The following TBCK variants were observed in gnomAD, a reference collection of about 807,000 sequenced individuals.
TBCK encodes the protein TBC domain-containing protein kinase-like protein.
TBCK carries 99 observed loss-of-function variants against 113.4 expected under a neutral mutation model. The ratio of observed to expected loss-of-function variants is 0.87; its 90% CI spans 0.74 to 1.03. The LOEUF (loss-of-function observed/expected upper bound fraction) is 1.03. Among genes scored for constraint, TBCK ranks in the 50% least tolerant of loss-of-function variants. The pLI, the probability that TBCK is intolerant of heterozygous loss-of-function variation, is 0.00. For missense variants in TBCK, 1,045 were observed against 1,061.3 expected (o/e 0.98, Z 0.21); for synonymous variants, 369 against 370.8 (o/e 1.00, Z 0.05).
chr4:106,193,528 T>A (rs1357292989), intron 22 of TBCK, 81 bp downstream of exon 22: 2 of 1,504,958 alleles, frequency 1.3e-6, no homozygotes, highest in East Asian at 4.5e-5. Context: ...CCTGGATGGT[T>A]ATTTTTGCCA....
intron 25 of TBCK, among the ~76,000 whole-genome samples, chr4:106,093,504 T>TCAAA (rs924575730): frequency 4.6e-5 from 7 of 152,294 alleles, no homozygotes; most frequent in South Asian, 2.1e-4. Context: ...GAGACTCGTC[T>TCAAA]CAAACAAACA....
chr4:106,152,467 G>A (rs1377788582), intron 23 of TBCK, among the ~76,000 whole-genome samples: 1 of 152,100 alleles, frequency 6.6e-6, no homozygotes, highest in South Asian at 2.1e-4. Context: ...TTTTCAATGT[G>A]TTGTTAAATT....
chr4:106,105,028 A>G (rs1741979890), intron 24 of TBCK, among the ~76,000 whole-genome samples: 1 of 152,028 alleles, frequency 6.6e-6, no homozygotes, highest in Admixed American at 6.6e-5. Context: ...GAACTCAGCA[A>G]CTCCCTGCCC....
chr4:106,283,454 A>G (rs1312379615), intron 3 of TBCK, among the ~76,000 whole-genome samples: 2 of 152,168 alleles, frequency 1.3e-5, no homozygotes, highest in Non-Finnish European at 2.9e-5. Flanking sequence ...GAAGAAGAGT[A>G]CGAAGGGAAA....
At chr4:106,088,558 A>G (rs904594573) in intron 25 of TBCK, among the ~76,000 whole-genome samples, 2 of 152,206 alleles carry the variant, frequency 1.3e-5, no homozygotes, top group African/African-American at 4.8e-5. Flanking sequence ...AGGATCTAGA[A>G]CCAGAAAAAC....
chr4:106,079,510 T>C (rs1270224922), intron 25 of TBCK, among the ~76,000 whole-genome samples: 12 of 152,168 alleles, frequency 7.9e-5, no homozygotes, highest in Admixed American at 7.9e-4. Flanking sequence ...CATTTCTATA[T>C]ATCATTAGCA....
rs557016175 is a variant in TBCK at position 106,193,619 on chromosome 4, G to A, written c.2049C>T (p.Ser683=). ...TATTTAGATCTATACCTGGTAAATC[G>A]GAGAAGAGAAGAATACACTCATTAA... ...NGFNECILLF[S]DLPEIDIERC... is the part of the protein sequence containing the mutation. Residue 683 remains serine, a synonymous_variant, in exon 22 of 26, where the codon TCC becomes TCT. Coordinates refer to ENST00000394708, the MANE Select transcript of TBCK (RefSeq NM_001163435.3). 2.5e-5 allele frequency: 40 copies of A among 1,613,074 alleles called. No individual in the cohort carries two copies. The highest frequency in any genetic ancestry group is 8.3e-5 in the Admixed American group (5 of 59,912).
chr4:106,197,349 T>C (rs1446457299), intron 20 of TBCK, among the ~76,000 whole-genome samples: 1 of 148,608 alleles, frequency 6.7e-6, no homozygotes, highest in Non-Finnish European at 1.5e-5. Context: ...AGAGTGTGTG[T>C]GTGTGTGTGT....
At chr4:106,097,445 T>C (rs2149522593) in intron 24 of TBCK, among the ~76,000 whole-genome samples, 1 of 152,290 alleles carries the variant, frequency 6.6e-6, no homozygotes, top group South Asian at 2.1e-4. Context: ...GTAGACATGG[T>C]GGTCAAACCT....
intron 1 of TBCK, among the ~76,000 whole-genome samples, chr4:106,311,910 T>C (rs1260193412): frequency 6.6e-6 from 1 of 152,126 alleles, no homozygotes; most frequent in East Asian, 1.9e-4. Flanking sequence ...TACTGATACA[T>C]CCACAAAAAT....
intron 22 of TBCK, among the ~76,000 whole-genome samples, chr4:106,180,435 T>C (rs1752218226): frequency 6.6e-6 from 1 of 152,032 alleles, no homozygotes; most frequent in South Asian, 2.1e-4. Context: ...GTGCAGAATG[T>C]GCAGTTTTGT....
At chr4:106,060,038 G>C (rs937306403) in intron 25 of TBCK, among the ~76,000 whole-genome samples, 1 of 151,738 alleles carries the variant, frequency 6.6e-6, no homozygotes, top group African/African-American at 2.4e-5. Context: ...TGAGAGATGA[G>C]GAAGCTGGAG....
chr4:106,116,329 C>T lies in TBCK; in HGVS notation c.2285G>A (p.Arg762Gln), dbSNP rs892052198. The change falls in exon 24 of 26, where the codon CGG (arginine) becomes CAG (glutamine). Residue 762 changes from arginine to glutamine, a missense_variant. Coordinates refer to ENST00000394708, the MANE Select transcript of TBCK (RefSeq NM_001163435.3). ...LNDLKSEVSP[R>Q]ISAEDLIDLC... ...GTCAATCAGGTCCTCTGCTGAAATC[C>T]GTGGTGATACTTCTGACTTCAGGTC... The T allele has an allele frequency of 9.3e-6, 15 of 1,613,242 alleles. No homozygotes were observed. Among genetic ancestry groups the T allele is most frequent in the East Asian group, 2.2e-5 (1 of 44,880 alleles).
At chr4:106,204,837 C>G (rs1755279393) in intron 20 of TBCK, among the ~76,000 whole-genome samples, 1 of 144,280 alleles carries the variant, frequency 6.9e-6, no homozygotes, top group East Asian at 2.1e-4. Context: ...GCAATCTCGG[C>G]TCACTGCAAG....
chr4:106,212,917 C>T, intron 19 of TBCK, 82 bp from the exon 20 acceptor site: 1 of 880,462 alleles, frequency 1.1e-6, no homozygotes, highest in Non-Finnish European at 1.8e-6. Flanking sequence ...TTTATTTATA[C>T]ATTGAATGAG....
chr4:106,133,439 T>A (rs1746196273), intron 23 of TBCK, among the ~76,000 whole-genome samples: 1 of 152,192 alleles, frequency 6.6e-6, no homozygotes, highest in Non-Finnish European at 1.5e-5. Flanking sequence ...TGGGTATATC[T>A]TTATTAGTAG....
At chr4:106,121,432 T>G (rs1291985185) in intron 23 of TBCK, among the ~76,000 whole-genome samples, 3 of 144,288 alleles carry the variant, frequency 2.1e-5, no homozygotes, top group Admixed American at 2.1e-4. Context: ...ATGGGAGACT[T>G]TAACACCCCA....
intron 22 of TBCK, among the ~76,000 whole-genome samples, chr4:106,184,558 A>G (rs1752792567): frequency 6.6e-6 from 1 of 152,020 alleles, no homozygotes; most frequent in African/African-American, 2.4e-5. Context: ...TAAACCACCA[A>G]TAAGACTAGT....
At chr4:106,120,515 G>A (rs1157467865) in intron 23 of TBCK, among the ~76,000 whole-genome samples, 3 of 152,168 alleles carry the variant, frequency 2.0e-5, no homozygotes, top group Admixed American at 6.5e-5. Context: ...TGGGGGCAGG[G>A]TACAGACAAA....
Sources: allele counts gnomAD v4.1 joint callset (sites outside exome capture counted in the v4.1 genomes callset), GRCh38; gene constraint gnomAD v4.1.1; transcripts MANE v1.5; gene names NCBI Gene and HGNC (gene_info 2026-07-23, HGNC 2026-07-21).